Variants in SAMMSON observed in about 807,000 individuals in gnomAD.
The protein encoded by SAMMSON is survival associated mitochondrial melanoma specific oncogenic non-coding RNA.
chr3:70,123,417 C>G (rs1053894550), intron 4 of SAMMSON, among the ~76,000 whole-genome samples: 4 of 152,140 alleles, frequency 2.6e-5, no homozygotes, highest in African/African-American at 9.7e-5. Context: ...ATTACAGATG[C>G]CTGCCACCAC....
At chr3:70,157,568 C>G (rs2067596857) in intron 4 of SAMMSON, among the ~76,000 whole-genome samples, 1 of 151,876 alleles carries the variant, frequency 6.6e-6, no homozygotes, top group South Asian at 2.1e-4. Context: ...AGGTAGAGAC[C>G]TTTAGGTGAA....
At chr3:70,269,999 C>G (rs181688235) in intron 6 of SAMMSON, among the ~76,000 whole-genome samples, 130 of 152,200 alleles carry the variant, frequency 8.5e-4, no homozygotes, top group Non-Finnish European at 1.6e-3. Context: ...CAGATCGAAA[C>G]AAACAACTGG....
chr3:70,406,580 A>G (rs1177093959), intron 2 of SAMMSON, among the ~76,000 whole-genome samples: 1 of 152,250 alleles, frequency 6.6e-6, no homozygotes, highest in Admixed American at 6.5e-5. Flanking sequence ...TGGCAACAAG[A>G]GCACAAAGGA....
chr3:70,429,307 T>A (rs1246383539), intron 2 of SAMMSON, among the ~76,000 whole-genome samples: 2 of 152,190 alleles, frequency 1.3e-5, no homozygotes, highest in African/African-American at 4.8e-5. Flanking sequence ...AGGCCTCTAT[T>A]CTATTCCATT....
At chr3:70,172,380 G>C (rs1436550671) in intron 4 of SAMMSON, 2 of 151,288 alleles carry the variant, frequency 1.3e-5, no homozygotes. Context: ...ATGAGAAAGA[G>C]AAAACAAAGC....
chr3:70,293,912 T>C (rs1359541881), intron 7 of SAMMSON, among the ~76,000 whole-genome samples: 1 of 151,962 alleles, frequency 6.6e-6, no homozygotes, highest in African/African-American at 2.4e-5. Context: ...AAAGAGACCC[T>C]TGGAGCCAGA....
chr3:70,215,744 C>G (rs1307606130), intron 4 of SAMMSON, among the ~76,000 whole-genome samples: 1 of 152,086 alleles, frequency 6.6e-6, no homozygotes, highest in Non-Finnish European at 1.5e-5. Flanking sequence ...TTCTCAGAAC[C>G]TAGCATGGTG....
At chr3:70,073,585 C>CT (rs2067237880) in intron 4 of SAMMSON, among the ~76,000 whole-genome samples, 1 of 151,930 alleles carries the variant, frequency 6.6e-6, no homozygotes, top group East Asian at 1.9e-4. Flanking sequence ...TTTTCCCCCT[C>CT]TTTTTTTCTT....
chr3:70,126,243 G>C, intron 4 of SAMMSON: 3 of 1,018,680 alleles, frequency 2.9e-6, no homozygotes, highest in Non-Finnish European at 4.4e-6. Context: ...GTCTTCAACA[G>C]GGTCATCAGA....
chr3:70,094,864 G>T (rs2067318013), intron 4 of SAMMSON: 2 of 152,208 alleles, frequency 1.3e-5, no homozygotes, highest in Non-Finnish European at 2.9e-5. Context: ...ACAGGTAAGG[G>T]TTTTTAAAGG....
At chr3:70,065,887 G>T (rs2067207703) in intron 3 of SAMMSON, among the ~76,000 whole-genome samples, 1 of 152,002 alleles carries the variant, frequency 6.6e-6, no homozygotes, top group Non-Finnish European at 1.5e-5. Context: ...GTCACCGCAG[G>T]CCCATTTCTA....
intron 6 of SAMMSON, chr3:70,271,971 C>G (rs1328333638): frequency 1.4e-4 from 22 of 152,268 alleles, no homozygotes; most frequent in Admixed American, 1.4e-3. Context: ...TCATGTTGAC[C>G]TGGCTGATCT....
chr3:70,236,983 CAACACAGA>C (rs1202640388), intron 4 of SAMMSON, among the ~76,000 whole-genome samples: 1 of 152,188 alleles, frequency 6.6e-6, no homozygotes, highest in Non-Finnish European at 1.5e-5. Flanking sequence ...ATAGCTTAAG[CAACACAGA>C]TGTGTCAATG....
intron 9 of SAMMSON, among the ~76,000 whole-genome samples, chr3:70,385,969 C>T (rs757573800): frequency 6.6e-6 from 1 of 151,996 alleles, no homozygotes; most frequent in Non-Finnish European, 1.5e-5. Flanking sequence ...CAATGTACTG[C>T]CCAGGACAAA....
At chr3:70,146,292 C>A (rs113131571) in intron 4 of SAMMSON, among the ~76,000 whole-genome samples, 22 of 151,898 alleles carry the variant, frequency 1.4e-4, no homozygotes, top group Non-Finnish European at 2.9e-4. Flanking sequence ...TCTTGAGAAG[C>A]GGAGAAAATA....
chr3:70,303,046 TG>T (rs1216047169), intron 7 of SAMMSON, among the ~76,000 whole-genome samples: 4 of 152,214 alleles, frequency 2.6e-5, no homozygotes, highest in African/African-American at 9.6e-5. Context: ...TTTTGACATT[TG>T]AACTTCAGTA....
intron 7 of SAMMSON, among the ~76,000 whole-genome samples, chr3:70,294,008 C>T (rs1340316169): frequency 1.3e-5 from 2 of 151,982 alleles, no homozygotes; most frequent in Non-Finnish European, 2.9e-5. Flanking sequence ...GTACTTTGGG[C>T]AACAGCTGGG....
chr3:70,360,369 AGT>A (rs575669079), intron 9 of SAMMSON, among the ~76,000 whole-genome samples: 211 of 152,298 alleles, frequency 1.4e-3, no homozygotes, highest in African/African-American at 4.9e-3. Flanking sequence ...AACAATGTTA[AGT>A]GGTTATGGAC....
chr3:70,253,601 T>C (rs1297347383), intron 6 of SAMMSON, among the ~76,000 whole-genome samples: 1 of 152,152 alleles, frequency 6.6e-6, no homozygotes, highest in East Asian at 1.9e-4. Context: ...TGCACCTCTG[T>C]AGTCCTAGCT....
Sources: allele counts gnomAD v4.1 joint callset (sites outside exome capture counted in the v4.1 genomes callset), GRCh38; gene constraint gnomAD v4.1.1; transcripts MANE v1.5; gene names NCBI Gene and HGNC (gene_info 2026-07-23, HGNC 2026-07-21).